The following STX8 variants were observed in gnomAD, a reference collection of about 807,000 sequenced individuals.
The protein encoded by STX8 is syntaxin-8.
Under a neutral mutation model 37.5 loss-of-function variants are expected in STX8, and 23 were observed. The observed-to-expected ratio is 0.61, with a 90% CI of 0.44 to 0.87. The LOEUF is 0.87. Ranked by LOEUF, STX8 falls within the 40% of genes least tolerant of loss-of-function variation. STX8 has a pLI of 0.00. For synonymous variants in STX8, 115 were observed against 99.1 expected (o/e 1.16, Z -0.95); for missense variants, 313 against 284.7 (o/e 1.10, Z -0.71).
chr17:9,568,541 C>T (rs1328136612), intron 1 of STX8, 71 bp from the exon 2 acceptor site: 5 of 1,335,424 alleles, frequency 3.7e-6, no homozygotes, highest in Non-Finnish European at 5.2e-6. Context: ...CGCTCTGTCG[C>T]CCAGGCTGGA....
chr17:9,346,735 C>G (rs1049722845), intron 7 of STX8, among the ~76,000 whole-genome samples: 12 of 152,226 alleles, frequency 7.9e-5, no homozygotes, highest in African/African-American at 2.2e-4. Context: ...GCCACAGTGA[C>G]ACCATAGGGG....
intron 4 of STX8, among the ~76,000 whole-genome samples, chr17:9,535,001 A>G (rs1905970119): frequency 6.6e-6 from 1 of 152,216 alleles, no homozygotes. Context: ...GAAGATGAGA[A>G]GATGAACTAC....
chr17:9,431,769 A>C (rs1425698841), intron 6 of STX8, among the ~76,000 whole-genome samples: 1 of 152,194 alleles, frequency 6.6e-6, no homozygotes, highest in Non-Finnish European at 1.5e-5. Flanking sequence ...TCTGACATTA[A>C]CATCATGGTG....
At chr17:9,426,057 C>T (rs12451454) in intron 6 of STX8, among the ~76,000 whole-genome samples, 27,632 of 122,078 alleles carry the variant, frequency 0.23, 3,021 homozygotes, top group Middle Eastern at 0.32. Context: ...AGAACCTAGA[C>T]AATCTGTCTT....
intron 7 of STX8, among the ~76,000 whole-genome samples, chr17:9,325,647 C>T (rs1339617826): frequency 1.3e-5 from 2 of 152,232 alleles, no homozygotes; most frequent in Non-Finnish European, 2.9e-5. Context: ...TCACTTGGTT[C>T]AGTGGGAAGA....
At chr17:9,515,982 C>T (rs1240619745) in intron 4 of STX8, among the ~76,000 whole-genome samples, 1 of 152,056 alleles carries the variant, frequency 6.6e-6, no homozygotes, top group Non-Finnish European at 1.5e-5. Context: ...CAAAGCCTAT[C>T]CCAACTCTCA....
intron 7 of STX8, among the ~76,000 whole-genome samples, chr17:9,364,331 C>T (rs530906689): frequency 1.3e-5 from 2 of 152,194 alleles, no homozygotes; most frequent in African/African-American, 4.8e-5. Flanking sequence ...CATTTCACTA[C>T]TTAGTATATA....
chr17:9,525,768 A>G (rs1789738615), intron 4 of STX8, among the ~76,000 whole-genome samples: 1 of 152,206 alleles, frequency 6.6e-6, no homozygotes, highest in Non-Finnish European at 1.5e-5. Context: ...AGACATCCCC[A>G]CATGGCCTGC....
chr17:9,320,882 G>C (rs1240031638), intron 7 of STX8, among the ~76,000 whole-genome samples: 2 of 144,376 alleles, frequency 1.4e-5, no homozygotes, highest in Non-Finnish European at 3.0e-5. Context: ...GCCTGGGACA[G>C]AGCAAGACTA....
chr17:9,351,646 C>T (rs770763946), intron 7 of STX8, among the ~76,000 whole-genome samples: 1 of 152,024 alleles, frequency 6.6e-6, no homozygotes, highest in Non-Finnish European at 1.5e-5. Flanking sequence ...ATCTGGAATC[C>T]GATCAAAATC....
chr17:9,408,796 A>G (rs1912882991), intron 6 of STX8, among the ~76,000 whole-genome samples: 1 of 152,180 alleles, frequency 6.6e-6, no homozygotes, highest in South Asian at 2.1e-4. Context: ...AAGCCATTAC[A>G]CCTGTGATTA....
intron 6 of STX8, among the ~76,000 whole-genome samples, chr17:9,406,072 A>C (rs2142326505): frequency 6.6e-6 from 1 of 152,212 alleles, no homozygotes; most frequent in South Asian, 2.1e-4. Context: ...GCATAGCTGC[A>C]GTGACGGCTT....
chr17:9,376,824 A>G (rs564769792), intron 7 of STX8, among the ~76,000 whole-genome samples: 6 of 152,366 alleles, frequency 3.9e-5, no homozygotes, highest in African/African-American at 1.4e-4. Context: ...CCACAGCTTC[A>G]TTCTTGAAGT....
chr17:9,339,470 C>T (rs371787667), intron 7 of STX8, among the ~76,000 whole-genome samples: 16 of 152,154 alleles, frequency 1.1e-4, no homozygotes, highest in Admixed American at 7.9e-4. Context: ...CTGGCTAATA[C>T]GGTGAAACCC....
chr17:9,305,327 G>C (rs943527549), intron 7 of STX8, among the ~76,000 whole-genome samples: 1 of 151,992 alleles, frequency 6.6e-6, no homozygotes, highest in Non-Finnish European at 1.5e-5. Context: ...TCCTGACCTC[G>C]TGGTCCACCT....
intron 6 of STX8, among the ~76,000 whole-genome samples, chr17:9,443,955 A>G (rs1057300595): frequency 6.6e-6 from 1 of 152,014 alleles, no homozygotes; most frequent in East Asian, 1.9e-4. Flanking sequence ...GGCCCTTTTC[A>G]TGAATAACTT....
chr17:9,335,955 C>A (rs936118018), intron 7 of STX8, among the ~76,000 whole-genome samples: 2 of 152,110 alleles, frequency 1.3e-5, no homozygotes, highest in East Asian at 3.8e-4. Flanking sequence ...TTATTGATTT[C>A]TTGAGACAAA....
intron 6 of STX8, among the ~76,000 whole-genome samples, chr17:9,426,549 TA>T (rs1234803749): frequency 6.6e-6 from 1 of 151,436 alleles, no homozygotes; most frequent in Non-Finnish European, 1.5e-5. Context: ...TAAATAAAAC[TA>T]AAAACTAAAG....
At chr17:9,289,513 ATT>A (rs58687825) in intron 7 of STX8, among the ~76,000 whole-genome samples, 24 of 147,250 alleles carry the variant, frequency 1.6e-4, no homozygotes, top group East Asian at 2.0e-4. Flanking sequence ...ATACCCACAA[ATT>A]TTTTTTTTTT....
Sources: gnomAD v4.1 joint callset for allele counts (sites outside exome capture counted in the v4.1 genomes callset) on GRCh38, gnomAD v4.1.1 for gene constraint, MANE v1.5 for transcripts, NCBI Gene and HGNC (gene_info 2026-07-23, HGNC 2026-07-21) for gene names.